Variants in CSMD1 observed in about 807,000 individuals in gnomAD.
CSMD1 encodes the protein CUB and Sushi multiple domains 1.
CSMD1 carries 213 observed loss-of-function variants against 417.5 expected under a neutral mutation model. That is an observed-to-expected ratio of 0.51 (90% confidence interval 0.46 to 0.57). The LOEUF is 0.57. Ranked by LOEUF, CSMD1 falls within the 20% of genes least tolerant of loss-of-function variation. CSMD1 has a pLI of 0.00. For synonymous variants in CSMD1, 2,862 were observed against 1,736.8 expected, an observed-to-expected ratio of 1.65 and a Z score of -16.11; for missense variants, 6,923 against 4,529.7, an observed-to-expected ratio of 1.53 and a Z score of -15.17.
chr8:4,202,856 C>T (rs925915741), intron 3 of CSMD1, among the ~76,000 whole-genome samples: 10 of 152,154 alleles, frequency 6.6e-5, no homozygotes, highest in Non-Finnish European at 1.5e-4. Flanking sequence ...ACATCAAATG[C>T]AGGTACCTGA....
At chr8:3,415,972 A>G (rs1309667482) in intron 12 of CSMD1, among the ~76,000 whole-genome samples, 1 of 152,184 alleles carries the variant, frequency 6.6e-6, no homozygotes, top group African/African-American at 2.4e-5. Context: ...GCCACTAGCT[A>G]CAGTGACTTT....
intron 1 of CSMD1, among the ~76,000 whole-genome samples, chr8:4,758,491 T>C (rs139818709): frequency 2.0e-5 from 3 of 152,164 alleles, no homozygotes; most frequent in Non-Finnish European, 2.9e-5. Flanking sequence ...GAGATCCCTT[T>C]GGACTGTGCT....
intron 7 of CSMD1, among the ~76,000 whole-genome samples, chr8:3,648,610 T>A (rs918200650): frequency 6.6e-6 from 1 of 152,154 alleles, no homozygotes; most frequent in African/African-American, 2.4e-5. Context: ...TTAATGACTT[T>A]CCCAAGAACG....
intron 1 of CSMD1, among the ~76,000 whole-genome samples, chr8:4,924,799 G>C (rs1428413537): frequency 6.8e-6 from 1 of 147,172 alleles, no homozygotes; most frequent in South Asian, 2.2e-4. Flanking sequence ...TTTGACATAT[G>C]TATCATATTG....
intron 3 of CSMD1, among the ~76,000 whole-genome samples, chr8:4,103,999 C>G (rs567991863): frequency 1.6e-4 from 25 of 152,346 alleles, no homozygotes; most frequent in Admixed American, 4.6e-4. Context: ...AGTGCCCCAG[C>G]TGCACACCTG....
At chr8:3,427,259 G>A (rs577519217) in intron 12 of CSMD1, among the ~76,000 whole-genome samples, 4 of 152,080 alleles carry the variant, frequency 2.6e-5, no homozygotes, top group Non-Finnish European at 5.9e-5. Flanking sequence ...GATTTTCAAG[G>A]CCAGCCTACT....
At chr8:4,530,063 C>T (rs1041742978) in intron 2 of CSMD1, among the ~76,000 whole-genome samples, 5 of 151,632 alleles carry the variant, frequency 3.3e-5, no homozygotes, top group African/African-American at 9.7e-5. Context: ...TACAGGTGCC[C>T]GCCACCACGC....
chr8:3,229,397 T>C (rs1202924913), intron 27 of CSMD1, among the ~76,000 whole-genome samples: 1 of 152,216 alleles, frequency 6.6e-6, no homozygotes, highest in Non-Finnish European at 1.5e-5. Flanking sequence ...ACAATCTACC[T>C]GCAATTACTA....
At chr8:3,309,351 C>T (rs370903422) in intron 23 of CSMD1, among the ~76,000 whole-genome samples, 1 of 131,636 alleles carries the variant, frequency 7.6e-6, no homozygotes, top group African/African-American at 2.8e-5. Flanking sequence ...TCCTGAATTA[C>T]TGCCGACCAC....
intron 3 of CSMD1, among the ~76,000 whole-genome samples, chr8:4,093,874 C>T (rs936931945): frequency 9.9e-5 from 15 of 152,010 alleles, no homozygotes; most frequent in African/African-American, 3.4e-4. Context: ...GCAGGAGAAT[C>T]ACTTGAACGC....
At chr8:4,988,740 G>C (rs962151106) in intron 1 of CSMD1, among the ~76,000 whole-genome samples, 2 of 152,184 alleles carry the variant, frequency 1.3e-5, no homozygotes, top group African/African-American at 4.8e-5. Flanking sequence ...AGTACAGGTT[G>C]ATACAAATGG....
At chr8:4,353,148 C>T (rs933982020) in intron 3 of CSMD1, among the ~76,000 whole-genome samples, 3 of 152,150 alleles carry the variant, frequency 2.0e-5, no homozygotes, top group Non-Finnish European at 4.4e-5. Context: ...GCTGTGTCCC[C>T]ACACAACTGT....
chr8:4,085,173 G>A (rs1800354853), intron 3 of CSMD1, among the ~76,000 whole-genome samples: 1 of 152,182 alleles, frequency 6.6e-6, no homozygotes, highest in Non-Finnish European at 1.5e-5. Context: ...AGACTCTGCT[G>A]AGGATGGCAG....
intron 10 of CSMD1, among the ~76,000 whole-genome samples, chr8:3,536,455 G>T (rs1480838206): frequency 6.6e-6 from 1 of 152,220 alleles, no homozygotes; most frequent in Admixed American, 6.5e-5. Context: ...TGGGCTGAGT[G>T]AAGTTGGGCC....
chr8:4,187,983 C>A (rs1452350679), intron 3 of CSMD1, among the ~76,000 whole-genome samples: 2 of 151,850 alleles, frequency 1.3e-5, no homozygotes, highest in Non-Finnish European at 2.9e-5. Context: ...AATTCCCCTG[C>A]GTTTATCTCC....
At chr8:4,485,344 C>A (rs1022339459) in intron 2 of CSMD1, among the ~76,000 whole-genome samples, 2 of 152,182 alleles carry the variant, frequency 1.3e-5, no homozygotes, top group Admixed American at 6.5e-5. Context: ...AACCTGTCTT[C>A]ATTTTTGTCT....
At chr8:4,689,884 A>G (rs1231867228) in intron 1 of CSMD1, among the ~76,000 whole-genome samples, 2 of 152,182 alleles carry the variant, frequency 1.3e-5, no homozygotes, top group African/African-American at 2.4e-5. Flanking sequence ...TAAAACTACT[A>G]TGGAGGTAAG....
intron 3 of CSMD1, among the ~76,000 whole-genome samples, chr8:4,135,337 A>AAGGGGG (rs1554464780): frequency 5.9e-5 from 2 of 33,818 alleles, no homozygotes; most frequent in Non-Finnish European, 1.3e-4. Context: ...GGAAGGGGAA[A>AAGGGGG]GAAGGAAGGA....
At chr8:3,949,816 G>C (rs531974287) in intron 5 of CSMD1, 79 of 432,386 alleles carry the variant, frequency 1.8e-4, no homozygotes, top group Admixed American at 4.7e-4. Flanking sequence ...CTGGGGCAAT[G>C]ACCTGCTTCC....
Sources: allele counts gnomAD v4.1 joint callset (sites outside exome capture counted in the v4.1 genomes callset), GRCh38; gene constraint gnomAD v4.1.1; transcripts MANE v1.5; gene names NCBI Gene and HGNC (gene_info 2026-07-23, HGNC 2026-07-21).